The following COPS4 variants were observed in gnomAD, a reference collection of about 807,000 sequenced individuals.
COPS4 encodes the protein COP9 signalosome complex subunit 4.
A neutral mutation model predicts 55.1 loss-of-function variants in COPS4; 8 were observed. That is an observed-to-expected ratio of 0.15 (90% CI 0.09 to 0.26). COPS4 has a LOEUF of 0.26. COPS4 is among the 10% of genes least tolerant of loss of function. The pLI is 1.00. For missense variants in COPS4, 248 were observed against 484.0 expected (o/e 0.51, Z 4.58); for synonymous variants, 185 against 165.7 (o/e 1.12, Z -0.90).
At chr4:83,065,058 A>C in intron 7 of COPS4, 1 of 690,306 alleles carries the variant, frequency 1.4e-6, no homozygotes, top group South Asian at 1.5e-5. Context: ...ATTTTTTTGT[A>C]GAGACAGGAT....
chr4:83,048,547 A>G (rs1730776878), intron 2 of COPS4, among the ~76,000 whole-genome samples: 1 of 152,184 alleles, frequency 6.6e-6, no homozygotes, highest in South Asian at 2.1e-4. Context: ...GAAAAATGAG[A>G]TAAAATTATC....
intron 1 of COPS4, 168 bp from the exon 2 acceptor site, chr4:83,045,458 G>A (rs1244781919): frequency 2.0e-5 from 9 of 451,678 alleles, no homozygotes; most frequent in South Asian, 1.0e-4. Flanking sequence ...TATCTCTTGT[G>A]ATAGACTAGA....
chr4:83,037,410 T>G (rs1009384559), intron 1 of COPS4, among the ~76,000 whole-genome samples: 1 of 152,236 alleles, frequency 6.6e-6, no homozygotes, highest in Non-Finnish European at 1.5e-5. Context: ...AAGCCGTTAC[T>G]GTAGCAGTCT....
At chr4:83,066,954 A>G (rs1731305996) in intron 8 of COPS4, among the ~76,000 whole-genome samples, 1 of 152,230 alleles carries the variant, frequency 6.6e-6, no homozygotes, top group South Asian at 2.1e-4. Flanking sequence ...TCTTAACTTT[A>G]AATAAAATTA....
At chr4:83,038,227 CA>C (rs1160580507) in intron 1 of COPS4, among the ~76,000 whole-genome samples, 2 of 152,220 alleles carry the variant, frequency 1.3e-5, no homozygotes, top group African/African-American at 4.8e-5. Flanking sequence ...GAGTGAAAGT[CA>C]ATAACATCTA....
intron 1 of COPS4, among the ~76,000 whole-genome samples, chr4:83,044,152 A>G (rs1411596581): frequency 6.6e-6 from 1 of 152,240 alleles, no homozygotes; most frequent in African/African-American, 2.4e-5. Flanking sequence ...CTTTTAAAAA[A>G]TATTACAATT....
chr4:83,064,902 C>CTTTTTTTTTTTTTTTT (rs1180470999), intron 7 of COPS4, among the ~76,000 whole-genome samples: 6 of 75,176 alleles, frequency 8.0e-5, no homozygotes, highest in Non-Finnish European at 7.4e-5. Flanking sequence ...TTTTTTTTTA[C>CTTTTTTTTTTTTTTTT]TTTTTGAGAC....
intron 1 of COPS4, among the ~76,000 whole-genome samples, chr4:83,036,800 A>AT (rs1318670381): frequency 6.6e-6 from 1 of 151,972 alleles, no homozygotes. Context: ...ATCAGCTTAT[A>AT]TTTTTCCCCA....
intron 2 of COPS4, 23 bp downstream of exon 2, chr4:83,045,728 G>A: frequency 6.4e-7 from 1 of 1,550,410 alleles, no homozygotes; most frequent in Non-Finnish European, 8.9e-7. Context: ...GAAATTTCAT[G>A]CTTGCCTTGT....
At position 83,046,300 on chromosome 4, in the gene COPS4, T is replaced by C. The variant is rs571817416; in HGVS notation, c.154+595T>C. ...AAAAAATAACAAATTCTGGTTAGAC[T>C]TCAGAGAAAATGAAATGCTTATACA... On this transcript the variant is annotated intron_variant, in intron 2 of 9. Coordinates refer to ENST00000264389, the MANE Select transcript of COPS4 (RefSeq NM_016129.3). Among the ~76,000 whole-genome samples the C allele has an allele frequency of 5.9e-5, 9 of 152,290 alleles. No individual in the cohort carries two copies. The East Asian group carries it at 1.7e-3, about 29-fold the overall frequency.
At chr4:83,056,809 T>A (rs1172685042) in intron 4 of COPS4, 117 bp from the exon 5 acceptor site, 1 of 845,554 alleles carries the variant, frequency 1.2e-6, no homozygotes, top group Non-Finnish European at 1.8e-6. Flanking sequence ...AAAAAAAAAG[T>A]TTGATTCCCT....
rs890762497 is a variant in COPS4 at position 83,057,206 on chromosome 4, T to C, written c.565-52T>C. The C allele has an allele frequency of 1.1e-5, 17 of 1,543,468 alleles. No homozygotes were observed. In the Admixed American group the frequency reaches 1.4e-4, roughly 12 times the overall value. On this transcript the variant is annotated intron_variant, in intron 5 of 9. Transcript: ENST00000264389. ...TTTCTCTGTTTTGTTTTGTTTTGTT[T>C]AACTCTTGCTTTTTAATTTGTCCCC...
At chr4:83,061,135 C>G (rs923006138) in intron 6 of COPS4, among the ~76,000 whole-genome samples, 5 of 150,590 alleles carry the variant, frequency 3.3e-5, no homozygotes, top group African/African-American at 1.2e-4. Flanking sequence ...TCTGCATGAA[C>G]TTTTTTTTTC....
At chr4:83,061,437 A>G (rs1466543245) in intron 6 of COPS4, among the ~76,000 whole-genome samples, 1 of 152,158 alleles carries the variant, frequency 6.6e-6, no homozygotes, top group African/African-American at 2.4e-5. Context: ...CATATAGTGT[A>G]TTCATTCTTG....
intron 1 of COPS4, among the ~76,000 whole-genome samples, chr4:83,038,211 T>C (rs1240632322): frequency 6.6e-6 from 1 of 152,250 alleles, no homozygotes; most frequent in African/African-American, 2.4e-5. Flanking sequence ...GTGGTTTTCA[T>C]CTCTAGAGTG....
intron 4 of COPS4, 22 bp downstream of exon 4, chr4:83,050,006 G>A: frequency 7.2e-7 from 1 of 1,393,904 alleles, no homozygotes; most frequent in Non-Finnish European, 1.0e-6. Flanking sequence ...AGTGGATATT[G>A]GATGACTATA....
At chr4:83,067,627 G>A (rs1372251631) in intron 8 of COPS4, among the ~76,000 whole-genome samples, 2 of 150,952 alleles carry the variant, frequency 1.3e-5, no homozygotes, top group East Asian at 1.9e-4. Flanking sequence ...GCCTCCCAAA[G>A]TGCTGGGACT....
intron 1 of COPS4, among the ~76,000 whole-genome samples, chr4:83,040,378 C>CT (rs1347826634): frequency 6.6e-6 from 1 of 152,198 alleles, no homozygotes; most frequent in Non-Finnish European, 1.5e-5. Flanking sequence ...ATTTCATTAC[C>CT]TGAGGGTGCT....
intron 1 of COPS4, 51 bp downstream of exon 1, chr4:83,035,349 C>T (rs1267463313): frequency 1.4e-6 from 2 of 1,389,884 alleles, no homozygotes; most frequent in Admixed American, 4.0e-5. Flanking sequence ...AAGAAAGCCA[C>T]AGCCTTAATC....
Sources: gnomAD v4.1 joint callset for allele counts (sites outside exome capture counted in the v4.1 genomes callset) on GRCh38, gnomAD v4.1.1 for gene constraint, MANE v1.5 for transcripts, NCBI Gene and HGNC (gene_info 2026-07-23, HGNC 2026-07-21) for gene names.